Variants in EML6 observed in about 807,000 individuals in gnomAD.
The protein encoded by EML6 is EMAP like 6, also known as echinoderm microtubule-associated protein-like 6.
In EML6, 154 loss-of-function variants were observed where a neutral mutation model predicts 240.1. The ratio of observed to expected loss-of-function variants is 0.64; its 90% CI spans 0.56 to 0.73. The LOEUF is 0.73. EML6 is among the 30% of genes least tolerant of loss of function. The probability of loss-of-function intolerance (pLI) is 0.00; values close to 1 mark genes in which losing one functional copy is unlikely to be tolerated. For synonymous variants in EML6, 1,148 were observed against 899.0 expected, an observed-to-expected ratio of 1.28 and a Z score of -4.95; for missense variants, 2,964 against 2,474.6, an observed-to-expected ratio of 1.20 and a Z score of -4.20.
chr2:54,832,878 G>A (rs566083964), intron 7 of EML6, among the ~76,000 whole-genome samples: 2 of 152,152 alleles, frequency 1.3e-5, no homozygotes, highest in African/African-American at 4.8e-5. Flanking sequence ...CTTGCCCTCA[G>A]TTTGGACATG....
chr2:54,899,700 A>G lies in EML6; in HGVS notation c.3042A>G (p.Ala1014=), dbSNP rs1375030761. The G allele has an allele frequency of 2.6e-5, 40 of 1,553,168 alleles. No individual in the cohort carries two copies. Among genetic ancestry groups the G allele is most frequent in the Non-Finnish European group, 3.1e-5 (36 of 1,147,844 alleles). ...CTCACCCTCTCCTGCCCATCTGTGC[A>G]ACAGTGAGCGATGATAAAACACTTC... ...LAAHPLLPIC[A]TVSDDKTLRI... Residue 1014 remains alanine (A), a synonymous_variant, in exon 22 of 42, where the codon GCA becomes GCG. Transcript: ENST00000356458.
chr2:54,853,800 G>T lies in EML6; in HGVS notation c.1602G>T (p.Val534=). Reference sequence around the variant, plus strand: ...CGAATTACAACAGCTCAGTGCTGGTGTCTGGAGATGATTTTGGACTGGTTA... The same window carrying T: ...CGAATTACAACAGCTCAGTGCTGGTTTCTGGAGATGATTTTGGACTGGTTA... ...VDANYNSSVL[V]SGDDFGLVKL... The change falls in exon 11 of 42, where the codon GTG becomes GTT. Residue 534 remains valine, a synonymous_variant. Coordinates refer to ENST00000356458, the MANE Select transcript of EML6 (RefSeq NM_001039753.4). 6.4e-7 allele frequency: 1 copy of T among 1,551,608 alleles called. No homozygotes were observed. The highest frequency in any genetic ancestry group is 8.7e-7 in the Non-Finnish European group (1 of 1,146,954).
At chr2:54,955,682 C>G (rs895057171) in intron 32 of EML6, among the ~76,000 whole-genome samples, 6 of 152,202 alleles carry the variant, frequency 3.9e-5, no homozygotes, top group African/African-American at 1.4e-4. Context: ...CTAGCACAGA[C>G]TCTTGCTCAC....
At chr2:54,781,780 C>T (rs1242718024) in intron 2 of EML6, among the ~76,000 whole-genome samples, 1 of 152,112 alleles carries the variant, frequency 6.6e-6, no homozygotes, top group African/African-American at 2.4e-5. Flanking sequence ...AGTGATCCTC[C>T]CACTTCAGCC....
intron 5 of EML6, among the ~76,000 whole-genome samples, chr2:54,823,882 G>GTCTC (rs372503443): frequency 1.1e-4 from 10 of 87,634 alleles, no homozygotes; most frequent in Admixed American, 3.9e-4. Flanking sequence ...CTCTCTTTCT[G>GTCTC]TCTCTCTCTC....
chr2:54,811,365 T>C (rs1283821611), intron 2 of EML6, among the ~76,000 whole-genome samples: 2 of 152,220 alleles, frequency 1.3e-5, no homozygotes, highest in Non-Finnish European at 2.9e-5. Context: ...AGACTGAAAC[T>C]GTGGAGGACA....
chr2:54,923,285 G>A (rs892210142), intron 26 of EML6, among the ~76,000 whole-genome samples: 1 of 151,146 alleles, frequency 6.6e-6, no homozygotes, highest in Non-Finnish European at 1.5e-5. Context: ...GGGATCTGAT[G>A]TAGAGCATGG....
intron 17 of EML6, among the ~76,000 whole-genome samples, chr2:54,889,307 C>G (rs74738992): frequency 0.022 from 3,331 of 151,918 alleles, 114 homozygotes; most frequent in African/African-American, 0.072. Context: ...GCTTTAAAAT[C>G]AAATTGTCTA....
chr2:54,954,201 T>C, intron 32 of EML6, 45 bp downstream of exon 32: 1 of 1,519,546 alleles, frequency 6.6e-7, no homozygotes, highest in East Asian at 2.5e-5. Flanking sequence ...TGTCTGCCTG[T>C]GGGTGTCGAG....
intron 19 of EML6, among the ~76,000 whole-genome samples, chr2:54,893,911 G>A (rs1672616123): frequency 6.6e-6 from 1 of 152,146 alleles, no homozygotes; most frequent in Non-Finnish European, 1.5e-5. Context: ...AAAGATTAAA[G>A]AAGAAGAAAG....
chr2:54,834,697 C>T (rs1274564391), intron 7 of EML6, among the ~76,000 whole-genome samples: 1 of 152,102 alleles, frequency 6.6e-6, no homozygotes, highest in African/African-American at 2.4e-5. Flanking sequence ...AACTCCGCAT[C>T]CAGAAAGAAC....
At chr2:54,850,380 G>A (rs764779701) in intron 10 of EML6, 162 bp downstream of exon 10, 14 of 612,108 alleles carry the variant, frequency 2.3e-5, no homozygotes, top group South Asian at 1.7e-4. Context: ...GTTTTCTGTC[G>A]CAAGATCCTA....
At chr2:54,914,244 G>C (rs923644969) in intron 25 of EML6, among the ~76,000 whole-genome samples, 41 of 152,200 alleles carry the variant, frequency 2.7e-4, no homozygotes, top group African/African-American at 9.6e-4. Context: ...GGAAACTAAG[G>C]CTCTGTAAGG....
chr2:54,886,564 A>G (rs1003998262), intron 17 of EML6, among the ~76,000 whole-genome samples: 12 of 152,312 alleles, frequency 7.9e-5, no homozygotes, highest in East Asian at 1.9e-4. Flanking sequence ...TAGTGCCTCA[A>G]AATGTTAAAC....
chr2:54,937,448 G>C (rs1675197908), intron 28 of EML6, among the ~76,000 whole-genome samples: 1 of 150,936 alleles, frequency 6.6e-6, no homozygotes, highest in South Asian at 2.1e-4. Context: ...AGTTGCTTGG[G>C]AGGCTGAGAT....
intron 2 of EML6, among the ~76,000 whole-genome samples, chr2:54,805,134 T>C (rs2103994375): frequency 6.6e-6 from 1 of 152,348 alleles, no homozygotes; most frequent in East Asian, 1.9e-4. Context: ...ATCCATGCTG[T>C]GGATGTCACT....
intron 32 of EML6, among the ~76,000 whole-genome samples, chr2:54,956,097 C>G (rs1573213773): frequency 6.6e-6 from 1 of 151,972 alleles, no homozygotes; most frequent in East Asian, 1.9e-4. Context: ...TCGTCAGGTC[C>G]TAGGTATATG....
intron 35 of EML6, among the ~76,000 whole-genome samples, chr2:54,961,262 G>A (rs1056196349): frequency 6.9e-6 from 1 of 144,032 alleles, no homozygotes; most frequent in Non-Finnish European, 1.5e-5. Flanking sequence ...TCAACTCACT[G>A]CAACCTATAC....
chr2:54,749,999 A>T (rs1360018381), intron 2 of EML6, among the ~76,000 whole-genome samples: 2 of 152,216 alleles, frequency 1.3e-5, no homozygotes, highest in African/African-American at 4.8e-5. Flanking sequence ...CACTAGGTCC[A>T]GATCAATTTT....
Sources: allele counts gnomAD v4.1 joint callset (sites outside exome capture counted in the v4.1 genomes callset), GRCh38; gene constraint gnomAD v4.1.1; transcripts MANE v1.5; gene names NCBI Gene and HGNC (gene_info 2026-07-23, HGNC 2026-07-21).